PRDM1: variants seen among roughly 807,000 people sequenced by gnomAD.
The protein encoded by PRDM1 is PR domain zinc finger protein 1.
Under a neutral mutation model 62.8 loss-of-function variants are expected in PRDM1, and 13 were observed. The observed-to-expected ratio is 0.21, with a 90% CI of 0.13 to 0.33. The LOEUF (loss-of-function observed/expected upper bound fraction) is 0.33, where lower values mean the gene tolerates loss of function less well. PRDM1 is among the 10% of genes least tolerant of loss of function. The pLI, the probability that PRDM1 is intolerant of heterozygous loss-of-function variation, is 1.00. For missense variants in PRDM1, 895 were observed against 1,058.8 expected, an observed-to-expected ratio of 0.85 and a Z score of 2.15; for synonymous variants, 396 against 417.6, an observed-to-expected ratio of 0.95 and a Z score of 0.63.
intron 1 of PRDM1, among the ~76,000 whole-genome samples, chr6:105,997,074 T>C (rs1772357089): frequency 6.6e-6 from 1 of 152,300 alleles, no homozygotes. Flanking sequence ...AGATGGCCAA[T>C]ATAATTTAAA....
intron 1 of PRDM1, among the ~76,000 whole-genome samples, chr6:106,079,108 C>G (rs1319256462): frequency 6.6e-6 from 1 of 151,764 alleles, no homozygotes; most frequent in East Asian, 1.9e-4. Flanking sequence ...CTACAGGTGC[C>G]CGCCACCACG....
At chr6:106,069,580 C>G (rs928965849) in intron 1 of PRDM1, among the ~76,000 whole-genome samples, 1 of 152,188 alleles carries the variant, frequency 6.6e-6, no homozygotes, top group Non-Finnish European at 1.5e-5. Context: ...CCTCACTCTT[C>G]TATGGTTTGG....
chr6:106,007,655 A>G (rs1360275049), intron 1 of PRDM1, among the ~76,000 whole-genome samples: 1 of 152,124 alleles, frequency 6.6e-6, no homozygotes, highest in Non-Finnish European at 1.5e-5. Flanking sequence ...TGATATATAA[A>G]CTTCCCACAT....
upstream of PRDM1, among the ~76,000 whole-genome samples, chr6:106,085,175 G>A (rs1773767535): frequency 6.6e-6 from 1 of 152,048 alleles, no homozygotes; most frequent in Admixed American, 6.6e-5. Context: ...CATTAGGTTG[G>A]AACTGGGTGT....
At chr6:106,072,373 G>A (rs557115102) in intron 1 of PRDM1, among the ~76,000 whole-genome samples, 25 of 152,298 alleles carry the variant, frequency 1.6e-4, no homozygotes, top group South Asian at 6.2e-4. Flanking sequence ...TCTGGGAATC[G>A]TGACCTTCCC....
At chr6:106,039,866 G>A (rs892854088) in intron 1 of PRDM1, among the ~76,000 whole-genome samples, 8 of 152,228 alleles carry the variant, frequency 5.3e-5, no homozygotes, top group South Asian at 4.1e-4. Flanking sequence ...GCGGCTTAGC[G>A]AGATTGTGTT....
chr6:106,094,411 T>C (rs1774037429), intron 2 of PRDM1, among the ~76,000 whole-genome samples: 1 of 152,220 alleles, frequency 6.6e-6, no homozygotes, highest in African/African-American at 2.4e-5. Context: ...TATTGAATAG[T>C]GACGAATTGC....
chr6:106,035,345 G>A (rs1469382837), intron 1 of PRDM1, among the ~76,000 whole-genome samples: 1 of 152,106 alleles, frequency 6.6e-6, no homozygotes, highest in African/African-American at 2.4e-5. Context: ...ATTTTGGCCA[G>A]GTGTGGTGAC....
In PRDM1 at chr6:105,994,190, TACTG is replaced by T. The variant is rs1772318129; in HGVS notation, c.-67+553_-67+556del. The stretch of plus-strand genomic sequence containing the variant: ...GGTGCCGCGCTGGGGACGCCGCATC[TACTG>T]AGCGGTCGCCGAAGACGCCGGGAGG... On this transcript the variant is annotated intron_variant, in intron 1 of 6. Coordinates refer to the PRDM1 transcript ENST00000652320. The surrounding 1 kb of genome is among the most constrained non-coding windows in gnomAD (Gnocchi z 4.1). Among the ~76,000 whole-genome samples the T allele has an allele frequency of 6.6e-6, 1 of 151,910 alleles. No homozygotes were observed. Among genetic ancestry groups the T allele is most frequent in the Middle Eastern group, 3.2e-3 (1 of 316 alleles).
intron 1 of PRDM1, among the ~76,000 whole-genome samples, chr6:106,023,430 C>T (rs943206424): frequency 6.6e-6 from 1 of 151,582 alleles, no homozygotes; most frequent in Admixed American, 6.6e-5. Context: ...GCTGAGATCT[C>T]GCCACTGCAC....
chr6:106,044,574 T>G (rs1773046518), upstream of PRDM1, among the ~76,000 whole-genome samples: 1 of 152,218 alleles, frequency 6.6e-6, no homozygotes, highest in South Asian at 2.1e-4. Context: ...TCCAGTCTTT[T>G]ACCAGTGCTT....
intron 1 of PRDM1, among the ~76,000 whole-genome samples, chr6:106,034,664 T>G (rs1184829230): frequency 2.9e-5 from 4 of 138,268 alleles, no homozygotes; most frequent in South Asian, 2.3e-4. Flanking sequence ...TGAGATGGAG[T>G]CTCCCTCTAT....
intron 1 of PRDM1, among the ~76,000 whole-genome samples, chr6:106,050,667 T>A (rs1773159422): frequency 6.6e-6 from 1 of 152,220 alleles, no homozygotes; most frequent in African/African-American, 2.4e-5. Context: ...GAAGGCTGTT[T>A]GGGGACTGGG....
At chr6:106,060,299 G>A (rs1036184285) in intron 1 of PRDM1, among the ~76,000 whole-genome samples, 25 of 152,196 alleles carry the variant, frequency 1.6e-4, no homozygotes, top group African/African-American at 4.8e-4. Context: ...AGGAGAGCAC[G>A]ATTGTGTCAA....
At chr6:106,092,009 T>G (rs1178847983) in intron 2 of PRDM1, among the ~76,000 whole-genome samples, 1 of 152,008 alleles carries the variant, frequency 6.6e-6, no homozygotes, top group Non-Finnish European at 1.5e-5. Context: ...AGCTAGTAAT[T>G]TAAATGATCT....
At chr6:106,034,635 C>CTTTT (rs1554200511) in intron 1 of PRDM1, among the ~76,000 whole-genome samples, 2 of 88,420 alleles carry the variant, frequency 2.3e-5, no homozygotes, top group Non-Finnish European at 2.0e-5. Flanking sequence ...TGTTCTCTCT[C>CTTTT]TTTTTTTTTT....
chr6:105,997,461 C>T (rs1253593421), intron 1 of PRDM1, among the ~76,000 whole-genome samples: 2 of 152,126 alleles, frequency 1.3e-5, no homozygotes, highest in African/African-American at 2.4e-5. Flanking sequence ...GAATTTTAGT[C>T]CTTTCTTTAA....
At chr6:106,083,701 T>G (rs578105957), upstream of PRDM1, among the ~76,000 whole-genome samples, 1 of 152,392 alleles carries the variant, frequency 6.6e-6, no homozygotes, top group East Asian at 1.9e-4. Flanking sequence ...ATGTGAGAGC[T>G]CTGCCTGAGA....
chr6:106,087,675 G>A (rs1304887527), intron 1 of PRDM1: 1 of 232,840 alleles, frequency 4.3e-6, no homozygotes, highest in Non-Finnish European at 8.5e-6. Flanking sequence ...GAGCTGGTGG[G>A]AAAGTTCGGT....
Sources: gnomAD v4.1 joint callset for allele counts (sites outside exome capture counted in the v4.1 genomes callset) on GRCh38, gnomAD v4.1.1 for gene constraint, Gnocchi (gnomAD v3.1) non-coding constraint, MANE v1.5 for transcripts, NCBI Gene and HGNC (gene_info 2026-07-23, HGNC 2026-07-21) for gene names.